NEGR1: variants seen among roughly 807,000 people sequenced by gnomAD.
NEGR1 encodes the protein neuronal growth regulator 1.
A neutral mutation model predicts 40.9 loss-of-function variants in NEGR1; 10 were observed. The observed-to-expected ratio is 0.24, with a 90% CI of 0.15 to 0.42. The LOEUF is 0.42. Among genes scored for constraint, NEGR1 ranks in the 10% least tolerant of loss-of-function variants. NEGR1 has a pLI of 1.00. For synonymous variants in NEGR1, 185 were observed against 166.8 expected, an observed-to-expected ratio of 1.11 and a Z score of -0.84; for missense variants, 352 against 438.9, an observed-to-expected ratio of 0.80 and a Z score of 1.77.
chr1:72,062,430 A>G (rs1000465246), intron 1 of NEGR1, among the ~76,000 whole-genome samples: 18 of 151,918 alleles, frequency 1.2e-4, no homozygotes, highest in Non-Finnish European at 1.5e-5. Flanking sequence ...CTTGTACTAC[A>G]TGCATTTATA....
At chr1:71,805,976 G>A (rs957311800) in intron 2 of NEGR1, among the ~76,000 whole-genome samples, 1 of 152,130 alleles carries the variant, frequency 6.6e-6, no homozygotes, top group Non-Finnish European at 1.5e-5. Flanking sequence ...AAAATTCAGT[G>A]TGTGCAAAAC....
intron 6 of NEGR1, among the ~76,000 whole-genome samples, chr1:71,481,228 C>G (rs1292574718): frequency 6.6e-6 from 1 of 151,818 alleles, no homozygotes; most frequent in Non-Finnish European, 1.5e-5. Flanking sequence ...CCTCCAGAAG[C>G]TCCCCACAAC....
chr1:71,521,702 T>A (rs1414993919), intron 6 of NEGR1, among the ~76,000 whole-genome samples: 4 of 152,018 alleles, frequency 2.6e-5, no homozygotes, highest in Non-Finnish European at 5.9e-5. Flanking sequence ...CCATTAAGTG[T>A]ATAGGAGCAA....
chr1:71,943,115 A>G (rs966969888), intron 1 of NEGR1, among the ~76,000 whole-genome samples: 3 of 146,092 alleles, frequency 2.1e-5, no homozygotes, highest in African/African-American at 7.5e-5. Flanking sequence ...TATATTTATA[A>G]ACTATACATA....
At chr1:71,598,333 A>G (rs1011644003) in intron 5 of NEGR1, among the ~76,000 whole-genome samples, 2 of 152,226 alleles carry the variant, frequency 1.3e-5, no homozygotes, top group Non-Finnish European at 2.9e-5. Context: ...TGTGTCACCT[A>G]TGCCAGGAAA....
chr1:71,534,664 C>T (rs1216081376), intron 6 of NEGR1, among the ~76,000 whole-genome samples: 6 of 151,606 alleles, frequency 4.0e-5, no homozygotes, highest in South Asian at 2.1e-4. Context: ...GACTACTTAA[C>T]GATGTGAGAA....
chr1:72,163,413 T>G (rs185987420), intron 1 of NEGR1, among the ~76,000 whole-genome samples: 77 of 152,250 alleles, frequency 5.1e-4, no homozygotes, highest in Non-Finnish European at 9.1e-4. Flanking sequence ...TTTACTTGCT[T>G]TCTTTCTACC....
chr1:71,626,449 A>G (rs893253005), intron 4 of NEGR1, among the ~76,000 whole-genome samples: 7 of 143,872 alleles, frequency 4.9e-5, no homozygotes, highest in African/African-American at 1.8e-4. Context: ...CCTATGAGTG[A>G]GGACATGCAG....
At chr1:71,607,919 C>A (rs1261397578) in intron 5 of NEGR1, among the ~76,000 whole-genome samples, 1 of 152,148 alleles carries the variant, frequency 6.6e-6, no homozygotes, top group Non-Finnish European at 1.5e-5. Context: ...TATCTCTTGA[C>A]CTTGTGATCC....
chr1:71,635,571 A>C (rs1051278988), intron 4 of NEGR1, among the ~76,000 whole-genome samples: 2 of 152,056 alleles, frequency 1.3e-5, no homozygotes, highest in Non-Finnish European at 2.9e-5. Context: ...GAGATGTTAA[A>C]AATTGTTCTT....
chr1:72,163,581 C>T (rs183218467), intron 1 of NEGR1, among the ~76,000 whole-genome samples: 1 of 152,106 alleles, frequency 6.6e-6, no homozygotes, highest in African/African-American at 2.4e-5. Flanking sequence ...AGATTTAGTA[C>T]ATGTTATCTA....
chr1:72,237,244 A>T (rs543297076), intron 1 of NEGR1, among the ~76,000 whole-genome samples: 1 of 152,122 alleles, frequency 6.6e-6, no homozygotes, highest in South Asian at 2.1e-4. Context: ...ACCCTACTAC[A>T]TTTGAAGTTC....
At chr1:71,633,266 T>C (rs1268123841) in intron 4 of NEGR1, among the ~76,000 whole-genome samples, 1 of 152,132 alleles carries the variant, frequency 6.6e-6, no homozygotes, top group East Asian at 1.9e-4. Flanking sequence ...CATCAGTAGA[T>C]GCCACAGAAA....
chr1:71,503,528 G>A (rs1021915592), intron 6 of NEGR1, among the ~76,000 whole-genome samples: 38 of 152,212 alleles, frequency 2.5e-4, no homozygotes, highest in African/African-American at 5.3e-4. Flanking sequence ...TTAAATTCTC[G>A]TCCAAATTTA....
At chr1:71,819,103 G>C (rs1271234173) in intron 2 of NEGR1, among the ~76,000 whole-genome samples, 1 of 151,918 alleles carries the variant, frequency 6.6e-6, no homozygotes, top group Non-Finnish European at 1.5e-5. Flanking sequence ...TCTGAAACTA[G>C]GATGACTCCT....
At chr1:72,072,632 A>G (rs1462125206) in intron 1 of NEGR1, among the ~76,000 whole-genome samples, 1 of 152,116 alleles carries the variant, frequency 6.6e-6, no homozygotes, top group African/African-American at 2.4e-5. Context: ...GAAAAAAATA[A>G]TGGGTTTGAT....
chr1:71,741,113 A>G (rs1306053327), intron 3 of NEGR1, among the ~76,000 whole-genome samples: 5 of 152,092 alleles, frequency 3.3e-5, no homozygotes, highest in Admixed American at 3.3e-4. Flanking sequence ...TTTTATACCA[A>G]ATCTCAGAGC....
At chr1:72,227,887 G>C (rs1047119786) in intron 1 of NEGR1, among the ~76,000 whole-genome samples, 3 of 152,088 alleles carry the variant, frequency 2.0e-5, no homozygotes, top group Non-Finnish European at 4.4e-5. Context: ...GAGCCAGACT[G>C]CCTGAAATAG....
chr1:72,087,173 A>G (rs915748981), intron 1 of NEGR1, among the ~76,000 whole-genome samples: 6 of 152,146 alleles, frequency 3.9e-5, no homozygotes, highest in African/African-American at 1.2e-4. Context: ...TAATCCCAGC[A>G]CTTTGGGAGG....
Sources: allele counts gnomAD v4.1 joint callset (sites outside exome capture counted in the v4.1 genomes callset), GRCh38; gene constraint gnomAD v4.1.1; transcripts MANE v1.5; gene names NCBI Gene and HGNC (gene_info 2026-07-23, HGNC 2026-07-21).